Variants in ZC2HC1A observed in about 807,000 individuals in gnomAD.
The protein encoded by ZC2HC1A is zinc finger C2HC domain-containing protein 1A.
In ZC2HC1A, 28 loss-of-function variants were observed where a neutral mutation model predicts 40.7. The observed-to-expected ratio is 0.69, with a 90% CI of 0.51 to 0.94. ZC2HC1A has a LOEUF of 0.94. Ranked by LOEUF, ZC2HC1A falls within the 40% of genes least tolerant of loss-of-function variation. The probability of loss-of-function intolerance (pLI) is 0.00; values close to 1 mark genes in which losing one functional copy is unlikely to be tolerated. For synonymous variants in ZC2HC1A, 129 were observed against 129.2 expected, an observed-to-expected ratio of 1.00 and a Z score of 0.01; for missense variants, 389 against 386.3, an observed-to-expected ratio of 1.01 and a Z score of -0.06.
chr8:78,690,295 C>G (rs1177933751), intron 5 of ZC2HC1A, among the ~76,000 whole-genome samples: 3 of 152,198 alleles, frequency 2.0e-5, no homozygotes, highest in Admixed American at 6.5e-5. Flanking sequence ...TGCAGTGGCT[C>G]CCGCCTTTAA....
At position 78,678,650 on chromosome 8, in the gene ZC2HC1A, A is replaced by G; in HGVS notation, c.181A>G (p.Ile61Val). 1.2e-6 allele frequency: 2 copies of G among 1,611,594 alleles called. No homozygotes were observed. The highest frequency in any genetic ancestry group is 1.7e-6 in the Non-Finnish European group (2 of 1,179,024). ...SSRQRAEGTD[I>V]PTVKPLKPRP... ...CAGACAGAGAGCTGAAGGAACTGAT[A>G]TTCCAACAGTAAAACCTCTCAAACC... Residue 61 changes from isoleucine to valine, a missense_variant, in exon 3 of 9, where the codon ATT (isoleucine) becomes GTT (valine). Physicochemically the swap from Ile to Val is conservative, Grantham distance 29. Transcript: ENST00000263849.
chr8:78,694,121 A>C (rs866028196), intron 5 of ZC2HC1A, among the ~76,000 whole-genome samples: 1 of 151,878 alleles, frequency 6.6e-6, no homozygotes, highest in Non-Finnish European at 1.5e-5. Context: ...AATTTCTTGC[A>C]GTTGGCTGGC....
At chr8:78,668,721 T>C (rs951724645) in intron 1 of ZC2HC1A, among the ~76,000 whole-genome samples, 6 of 152,194 alleles carry the variant, frequency 3.9e-5, no homozygotes, top group Non-Finnish European at 7.4e-5. Flanking sequence ...TAGATAGTTA[T>C]AGCAAAACCT....
At chr8:78,711,105 T>C (rs1489623629) in intron 7 of ZC2HC1A, among the ~76,000 whole-genome samples, 1 of 152,072 alleles carries the variant, frequency 6.6e-6, no homozygotes, top group Non-Finnish European at 1.5e-5. Context: ...AGTGAATAAG[T>C]AAAGAAATGA....
At chr8:78,667,305 A>G (rs1809327974) in intron 1 of ZC2HC1A, among the ~76,000 whole-genome samples, 1 of 152,202 alleles carries the variant, frequency 6.6e-6, no homozygotes, top group African/African-American at 2.4e-5. Flanking sequence ...GCAGTATGCT[A>G]TGGCCTAATG....
chr8:78,683,919 G>T (rs893468549), intron 3 of ZC2HC1A, among the ~76,000 whole-genome samples: 1 of 152,176 alleles, frequency 6.6e-6, no homozygotes, highest in Non-Finnish European at 1.5e-5. Context: ...CTTTGCTAAA[G>T]CATAACAAGA....
chr8:78,702,159 G>A (rs895800387), intron 7 of ZC2HC1A, among the ~76,000 whole-genome samples: 5 of 152,060 alleles, frequency 3.3e-5, no homozygotes, highest in African/African-American at 1.2e-4. Context: ...CTCGTTATTT[G>A]TCTGTTCAGG....
rs547665399 is a variant in ZC2HC1A, at chr8:78,713,477, G to A, written c.705-1744G>A. Among the ~76,000 whole-genome samples, 3 of 150,272 alleles carry A rather than the reference G, an allele frequency of 2.0e-5. No individual in the cohort carries two copies. The East Asian group carries it at 5.8e-4, about 29-fold the overall frequency. On this transcript the variant is annotated intron_variant, in intron 7 of 8. Transcript: ENST00000263849. ...GATTCTATAGCCAAAAAAAAAAAAA[G>A]TGTTCTTCCTATTTAAAGTCCATTC...
chr8:78,698,165 T>G (rs1462800580), intron 6 of ZC2HC1A, among the ~76,000 whole-genome samples: 1 of 152,168 alleles, frequency 6.6e-6, no homozygotes, highest in Non-Finnish European at 1.5e-5. Context: ...CACTTAATAG[T>G]TAGAAGAAGA....
At chr8:78,672,542 G>T (rs1809466395) in intron 1 of ZC2HC1A, among the ~76,000 whole-genome samples, 1 of 152,126 alleles carries the variant, frequency 6.6e-6, no homozygotes, top group East Asian at 1.9e-4. Flanking sequence ...ATCACCAGCA[G>T]TATTTCTTCA....
intron 5 of ZC2HC1A, among the ~76,000 whole-genome samples, chr8:78,692,243 T>C (rs147703863): frequency 4.6e-5 from 7 of 152,194 alleles, no homozygotes; most frequent in Non-Finnish European, 8.8e-5. Flanking sequence ...TCTCTGCTGC[T>C]TAGAGTTCCA....
intron 7 of ZC2HC1A, among the ~76,000 whole-genome samples, chr8:78,703,973 G>A (rs546011266): frequency 6.6e-6 from 1 of 152,242 alleles, no homozygotes; most frequent in African/African-American, 2.4e-5. Context: ...TGTAAGGCAG[G>A]TCTGGTGGTA....
At chr8:78,702,806 G>T (rs1177012508) in intron 7 of ZC2HC1A, among the ~76,000 whole-genome samples, 1 of 152,092 alleles carries the variant, frequency 6.6e-6, no homozygotes, top group Non-Finnish European at 1.5e-5. Flanking sequence ...TAATTTAATT[G>T]TTCTGTGGTT....
intron 1 of ZC2HC1A, among the ~76,000 whole-genome samples, chr8:78,669,502 G>T (rs928032839): frequency 7.0e-6 from 1 of 142,042 alleles, no homozygotes; most frequent in Non-Finnish European, 1.5e-5. Flanking sequence ...TGGGAGGAGC[G>T]AAGGAAACAT....
At chr8:78,711,066 C>T (rs1810935758) in intron 7 of ZC2HC1A, among the ~76,000 whole-genome samples, 2 of 152,052 alleles carry the variant, frequency 1.3e-5, no homozygotes, top group African/African-American at 4.8e-5. Flanking sequence ...ATAATAGATG[C>T]TCATAATAGA....
Position 78,689,228 on chromosome 8 carries a change from T to C in ZC2HC1A, c.359T>C (p.Ile120Thr). The C allele has an allele frequency of 6.4e-7, 1 of 1,565,296 alleles. No homozygotes were observed. Among genetic ancestry groups the C allele is most frequent in the Non-Finnish European group, 8.6e-7 (1 of 1,158,268 alleles). Reference sequence around the variant, plus strand: ...CCGTTTTTATCTGTTATAGATTATATTCAATGTCCATATTGTCAGAGGAGA... The same window carrying C: ...CCGTTTTTATCTGTTATAGATTATACTCAATGTCCATATTGTCAGAGGAGA... ...PPPPSYDPDY[I>T]QCPYCQRRFN... Residue 120 changes from isoleucine (I) to threonine (T), a missense_variant, in exon 5 of 9, where the codon ATT becomes ACT. Transcript: ENST00000263849.
chr8:78,698,472 C>A lies in ZC2HC1A; in HGVS notation c.663C>A (p.Thr221=). 6.2e-7 allele frequency: 1 copy of A among 1,613,054 alleles called. No individual in the cohort carries two copies. The highest frequency in any genetic ancestry group is 8.5e-7 in the Non-Finnish European group (1 of 1,179,270). The stretch of plus-strand genomic sequence containing the variant: ...GCTCTTTGGGAAACAAACTTCAGAC[C>A]TTATCTCCCTCTCATAAAGGGATAG... ...SSSSLGNKLQ[T]LSPSHKGIAA... Residue 221 remains threonine (T), a synonymous_variant, in exon 7 of 9, where the codon ACC becomes ACA. Coordinates refer to ENST00000263849, the MANE Select transcript of ZC2HC1A (RefSeq NM_016010.3).
At chr8:78,714,065 A>C (rs1280458902) in intron 7 of ZC2HC1A, among the ~76,000 whole-genome samples, 1 of 152,134 alleles carries the variant, frequency 6.6e-6, no homozygotes, top group Non-Finnish European at 1.5e-5. Flanking sequence ...AAGAACCTCT[A>C]ATCTGGAGGT....
chr8:78,686,761 G>A (rs1809990151), intron 4 of ZC2HC1A, among the ~76,000 whole-genome samples, 153 bp downstream of exon 4: 1 of 152,122 alleles, frequency 6.6e-6, no homozygotes, highest in South Asian at 2.1e-4. Flanking sequence ...TGGTAATCTA[G>A]TCATGTAGGC....
Sources: gnomAD v4.1 joint callset for allele counts (sites outside exome capture counted in the v4.1 genomes callset) on GRCh38, gnomAD v4.1.1 for gene constraint, MANE v1.5 for transcripts, NCBI Gene and HGNC (gene_info 2026-07-23, HGNC 2026-07-21) for gene names.